The following TSGA10IP variants were observed in gnomAD, a reference collection of about 807,000 sequenced individuals.
TSGA10IP encodes testis-specific protein 10-interacting protein.
A neutral mutation model predicts 63.2 loss-of-function variants in TSGA10IP; 64 were observed. The ratio of observed to expected loss-of-function variants is 1.01; its 90% CI spans 0.83 to 1.25. The LOEUF (loss-of-function observed/expected upper bound fraction) is 1.25. TSGA10IP is among the 50% of genes most tolerant of loss of function. The probability of loss-of-function intolerance (pLI) is 0.00; values close to 1 mark genes in which losing one functional copy is unlikely to be tolerated. For missense variants in TSGA10IP, 681 were observed against 710.1 expected (o/e 0.96, Z 0.47); for synonymous variants, 316 against 298.3 (o/e 1.06, Z -0.61).
At chr11:65,957,260 C>G (rs1421862380) in intron 5 of TSGA10IP, among the ~76,000 whole-genome samples, 1 of 152,036 alleles carries the variant, frequency 6.6e-6, no homozygotes, top group Non-Finnish European at 1.5e-5. Context: ...AGACGATTCT[C>G]CTGCCTCAGC....
chr11:65,947,426 C>T, exon 3 of TSGA10IP: 2 of 1,613,566 alleles, frequency 1.2e-6, no homozygotes, highest in South Asian at 1.1e-5. Context: ...TCTCCAGCTG[C>T]CTGGGAGGAG....
In TSGA10IP at chr11:65,959,315, G is replaced by A. The variant is rs1855078385; in HGVS notation, c.1547+1G>A. On this transcript the variant is annotated splice_donor_variant, in intron 7 of 7. Coordinates refer to ENST00000532620, the Ensembl canonical transcript of TSGA10IP. LOFTEE classifies it high-confidence loss of function. ...GAGAGGGCACCCCCAGGAAACCCAG[G>A]TGAGTCTCCCCGTCAGGTCAAGAAC... is the stretch of plus-strand genomic sequence containing the variant. 1 of 1,611,024 alleles carries A rather than the reference G, an allele frequency of 6.2e-7. No individual in the cohort carries two copies.
intron 5 of TSGA10IP, 121 bp downstream of exon 5, chr11:65,953,858 C>A: frequency 1.3e-6 from 1 of 793,584 alleles, no homozygotes; most frequent in Non-Finnish European, 1.8e-6. Context: ...CAGGCCACTT[C>A]ACCGCGTTTC....
chr11:65,950,869 A>G (rs1380827019), intron 4 of TSGA10IP, among the ~76,000 whole-genome samples: 1 of 152,056 alleles, frequency 6.6e-6, no homozygotes, highest in Admixed American at 6.6e-5. Context: ...GCTGCTGGCT[A>G]ATTTTTAAAA....
rs1855075755 is a variant in TSGA10IP at position 65,959,201 on chromosome 11, GCT to G, written c.1436_1437del (p.Leu479HisfsTer17). ...TTCTCTCTCCTCAGGCCAATGCCCG[GCT>G]CACCGTCACTCGGCGCTTCTCCCAG... On this transcript the variant is annotated frameshift_variant, in exon 7 of 8. Coordinates refer to ENST00000532620, the Ensembl canonical transcript of TSGA10IP. LOFTEE classifies it high-confidence loss of function. 1 of 1,604,748 alleles carries G rather than the reference GCT, an allele frequency of 6.2e-7. No homozygotes were observed. Among genetic ancestry groups the G allele is most frequent in the Admixed American group, 1.7e-5 (1 of 59,076 alleles).
chr11:65,959,939 G>C, exon 8 of TSGA10IP: 2 of 1,613,218 alleles, frequency 1.2e-6, no homozygotes, highest in Non-Finnish European at 1.7e-6. Context: ...TGCAGTCCCT[G>C]AGATAAAATT....
chr11:65,945,888 TG>T, intron 1 of TSGA10IP, 66 bp downstream of exon 1: 2 of 1,563,718 alleles, frequency 1.3e-6, no homozygotes, highest in Non-Finnish European at 1.7e-6. Flanking sequence ...AGGCCTGGGC[TG>T]GGGAGGCCCT....
exon 3 of TSGA10IP, chr11:65,947,458 C>A: frequency 6.2e-7 from 1 of 1,613,488 alleles, no homozygotes; most frequent in Non-Finnish European, 8.5e-7. Flanking sequence ...GATCGGCGTC[C>A]GACAAGCAGG....
At chr11:65,954,968 C>A (rs1485827067) in intron 5 of TSGA10IP, among the ~76,000 whole-genome samples, 1 of 152,208 alleles carries the variant, frequency 6.6e-6, no homozygotes, top group Non-Finnish European at 1.5e-5. Context: ...CTGTGGTGGG[C>A]GCATGCGCTC....
chr11:65,947,374 C>T (rs1275227655), exon 3 of TSGA10IP: 1 of 1,612,376 alleles, frequency 6.2e-7, no homozygotes. Context: ...GTGTCTCCAT[C>T]CCTACTGGCA....
chr11:65,953,603 GGAGCGGCAGCAGGCC>G lies in TSGA10IP; in HGVS notation c.1193_1207del (p.Arg398_Glu402del), dbSNP rs1256050340. The G allele has an allele frequency of 2.5e-6, 4 of 1,588,128 alleles. No individual in the cohort carries two copies. The African/African-American group carries it at 5.5e-5, about 22-fold the overall frequency. On this transcript the variant is annotated inframe_deletion, in exon 5 of 8. Coordinates refer to ENST00000532620, the Ensembl canonical transcript of TSGA10IP. ...AGGCCTGGGAGCGGCAGCGGCAGGA[GGAGCGGCAGCAGGCC>G]GAGCTGCGGCGGGCCCGGACACAGC...
intron 5 of TSGA10IP, among the ~76,000 whole-genome samples, chr11:65,957,745 C>T (rs1001702928): frequency 6.6e-6 from 1 of 152,112 alleles, no homozygotes; most frequent in African/African-American, 2.4e-5. Flanking sequence ...CTCCCCTCCC[C>T]TCCTGTCCTC....
intron 7 of TSGA10IP, among the ~76,000 whole-genome samples, chr11:65,959,524 G>A (rs1351919456): frequency 6.6e-6 from 1 of 152,198 alleles, no homozygotes; most frequent in Non-Finnish European, 1.5e-5. Context: ...GAGCGAACAA[G>A]CAGCAGAACC....
At chr11:65,945,561 C>G (rs748358363) in exon 1 of TSGA10IP, 16 of 1,204,960 alleles carry the variant, frequency 1.3e-5, no homozygotes, top group Middle Eastern at 3.9e-4. Flanking sequence ...TCACATACCC[C>G]ACTGACCCCT....
At chr11:65,956,135 C>CTTT (rs1357746313) in intron 5 of TSGA10IP, among the ~76,000 whole-genome samples, 2 of 109,140 alleles carry the variant, frequency 1.8e-5, no homozygotes, top group African/African-American at 3.1e-5. Context: ...GAGGCTCAGT[C>CTTT]TTTTTTTTTT....
At chr11:65,956,276 T>A (rs1855023522) in intron 5 of TSGA10IP, among the ~76,000 whole-genome samples, 1 of 151,200 alleles carries the variant, frequency 6.6e-6, no homozygotes. Context: ...TAGCTGGGAT[T>A]ACAGGCATGC....
rs1400825410 is a variant in TSGA10IP at position 65,948,090 on chromosome 11, A to T, written c.1093A>T (p.Thr365Ser). Reference sequence around the variant, plus strand: ...GGCCTATGCCTCGGGATACGATGAAACTTTCGTGTCTGCCAACCTCCCTAA... The same window carrying T: ...GGCCTATGCCTCGGGATACGATGAATCTTTCGTGTCTGCCAACCTCCCTAA... Residue 365 changes from threonine (T) to serine (S), a missense_variant, in exon 4 of 8, where the codon ACT (threonine) becomes TCT (serine). By Grantham distance (58) the Thr-to-Ser change is moderately conservative (BLOSUM62 1). Transcript: ENST00000532620. 20 of 1,596,124 alleles carry T rather than the reference A, an allele frequency of 1.3e-5. No homozygotes were observed. Among genetic ancestry groups the T allele is most frequent in the South Asian group, 8.0e-5 (7 of 87,748 alleles).
chr11:65,947,923 T>C (rs1361987500), intron 3 of TSGA10IP, 78 bp from the exon 4 acceptor site: 1 of 1,516,698 alleles, frequency 6.6e-7, no homozygotes, highest in African/African-American at 1.4e-5. Context: ...GGCTGGGCTG[T>C]GCTCTGGGTG....
At chr11:65,945,862 G>A in intron 1 of TSGA10IP, 40 bp downstream of exon 1, 1 of 1,603,904 alleles carries the variant, frequency 6.2e-7, no homozygotes, top group Non-Finnish European at 8.5e-7. Flanking sequence ...GCTGCCTAGA[G>A]CCAGGTGGGT....
Sources: gnomAD v4.1 joint callset for allele counts (sites outside exome capture counted in the v4.1 genomes callset) on GRCh38, gnomAD v4.1.1 for gene constraint, MANE v1.5 for transcripts, NCBI Gene and HGNC (gene_info 2026-07-23, HGNC 2026-07-21) for gene names.